Variants in ZDHHC21 observed in about 807,000 individuals in gnomAD.
ZDHHC21 encodes zDHHC palmitoyltransferase 21, also known as palmitoyltransferase ZDHHC21.
ZDHHC21 carries 15 observed loss-of-function variants against 34.6 expected under a neutral mutation model. The observed-to-expected ratio is 0.43, with a 90% CI of 0.29 to 0.67. ZDHHC21 has a LOEUF of 0.67. ZDHHC21 is among the 30% of genes least tolerant of loss of function. The pLI, the probability that ZDHHC21 is intolerant of heterozygous loss-of-function variation, is 0.14. For missense variants in ZDHHC21, 344 were observed against 327.7 expected, an observed-to-expected ratio of 1.05 and a Z score of -0.38; for synonymous variants, 142 against 101.8, an observed-to-expected ratio of 1.40 and a Z score of -2.38.
intron 5 of ZDHHC21, among the ~76,000 whole-genome samples, chr9:14,663,536 T>C (rs1419909561): frequency 6.6e-6 from 1 of 151,784 alleles, no homozygotes; most frequent in Non-Finnish European, 1.5e-5. Flanking sequence ...TATTTCTTTT[T>C]TTTCTCTTTT....
In ZDHHC21 at chr9:14,654,766, G is replaced by C. The variant is rs552009665; in HGVS notation, c.504+3983C>G. 2.6e-5 allele frequency among the ~76,000 whole-genome samples: 4 copies of C among 152,158 alleles called. No homozygotes were observed. In the East Asian group the frequency reaches 7.7e-4, roughly 29 times the overall value. On this transcript the variant is annotated intron_variant, in intron 7 of 9. Transcript: ENST00000380916. ...GGGTAGGTTAGACATGGCAGAAGAG[G>C]TGATTAGTAAACCAGAGGATAAATT... is the stretch of plus-strand genomic sequence containing the variant.
chr9:14,650,678 CA>C (rs1050781490), intron 7 of ZDHHC21, among the ~76,000 whole-genome samples: 1 of 151,812 alleles, frequency 6.6e-6, no homozygotes, highest in Non-Finnish European at 1.5e-5. Flanking sequence ...TTTTGTTAGC[CA>C]AAAGGCTAGG....
In ZDHHC21 at chr9:14,618,226, A is replaced by G. The variant is rs780473186; in HGVS notation, c.*740T>C. On this transcript the variant is annotated 3_prime_UTR_variant, in exon 10 of 10. Transcript: ENST00000380916. ...GTCAGGAGTTCTCCTGGGAGCAAAT[A>G]TTTTAATCACAATCAATAATTACAA... 5 of 152,544 alleles carry G rather than the reference A, an allele frequency of 3.3e-5. No individual in the cohort carries two copies. The highest frequency in any genetic ancestry group is 7.4e-5 in the Non-Finnish European group (5 of 67,980). 9.4% of individuals were successfully genotyped at this position (152,544 alleles called of 1,614,324 possible).
intron 2 of ZDHHC21, among the ~76,000 whole-genome samples, chr9:14,684,512 G>T (rs10961665): frequency 0.93 from 137,116 of 146,728 alleles, 64,154 homozygotes; most frequent in Non-Finnish European, 0.96. Flanking sequence ...GAAGGACCTC[G>T]TCAAGGAGAA....
intron 7 of ZDHHC21, among the ~76,000 whole-genome samples, chr9:14,643,076 A>G (rs994139947): frequency 1.3e-5 from 2 of 152,014 alleles, no homozygotes; most frequent in African/African-American, 4.8e-5. Context: ...CGTCTCTACT[A>G]AAAAATAAAA....
At chr9:14,598,959 C>T in the ZDHHC21 span, among the ~76,000 whole-genome samples, 18 of 152,206 alleles carry the variant, frequency 1.2e-4, no homozygotes, top group African/African-American at 4.3e-4. Flanking sequence ...GACAGGGTTT[C>T]ACCATGTCAC....
At position 14,680,170 on chromosome 9, in the gene ZDHHC21, T is replaced by C. The variant is rs1485062096; in HGVS notation, c.-175-8A>G. 6.6e-6 allele frequency: 1 copy of C among 152,512 alleles called. No individual in the cohort carries two copies. The highest frequency in any genetic ancestry group is 1.5e-5 in the Non-Finnish European group (1 of 68,004). 9.4% of individuals were successfully genotyped at this position (152,512 alleles called of 1,614,324 possible). On this transcript the variant is annotated splice_polypyrimidine_tract_variant and splice_region_variant and intron_variant, in intron 2 of 9. Transcript: ENST00000380916. ...ACAGTTCTCCATGAGAACCTATTCA[T>C]GGTTTAACAAACAATGATTTCTCAC...
At chr9:14,644,382 G>C (rs886656027) in intron 7 of ZDHHC21, among the ~76,000 whole-genome samples, 1 of 152,050 alleles carries the variant, frequency 6.6e-6, no homozygotes, top group Non-Finnish European at 1.5e-5. Flanking sequence ...GCACTGGCTA[G>C]AATTTCTAGT....
At chr9:14,650,657 CTATT>C (rs1450673891) in intron 7 of ZDHHC21, among the ~76,000 whole-genome samples, 1 of 151,904 alleles carries the variant, frequency 6.6e-6, no homozygotes, top group Non-Finnish European at 1.5e-5. Flanking sequence ...AGTCTTCTGG[CTATT>C]TCTTTTTTTT....
At chr9:14,603,005 A>C in the ZDHHC21 span, among the ~76,000 whole-genome samples, 1 of 151,232 alleles carries the variant, frequency 6.6e-6, no homozygotes, top group Admixed American at 6.6e-5. Context: ...TCTAACTTAC[A>C]GTCACAGAAA....
rs1823672428 is a variant in ZDHHC21, at chr9:14,613,479, T to A, written c.*5487A>T. On this transcript the variant is annotated 3_prime_UTR_variant, in exon 10 of 10. Transcript: ENST00000380916. ...ATACGCAGGTAAGCTTTCCCTTTAG[T>A]TAACAGCCTGCAAACAATTAAACCC... 3 of 151,762 alleles carry A rather than the reference T, an allele frequency of 2.0e-5. No individual in the cohort carries two copies. Among genetic ancestry groups the A allele is most frequent in the Admixed American group, 2.0e-4 (3 of 15,192 alleles). 9.4% of individuals were successfully genotyped at this position (151,762 alleles called of 1,614,324 possible). A position where few individuals can be genotyped will look rare whatever the true frequency, so the allele number is the denominator to read the frequency against.
intron 8 of ZDHHC21, among the ~76,000 whole-genome samples, chr9:14,632,658 TAAGAGAATGTGAGA>T (rs1318854598): frequency 0.01 from 101 of 9,858 alleles, 43 homozygotes; most frequent in African/African-American, 0.036. Flanking sequence ...AAAATATAAC[TAAGAGAATGTGAGA>T]ATATTTGCAA....
chr9:14,645,395 T>C (rs900146878), intron 7 of ZDHHC21, among the ~76,000 whole-genome samples: 1 of 152,114 alleles, frequency 6.6e-6, no homozygotes, highest in East Asian at 1.9e-4. Context: ...ATCAATTGAC[T>C]ATTCATCTAT....
At chr9:14,660,030 T>C (rs904129478) in intron 6 of ZDHHC21, among the ~76,000 whole-genome samples, 1 of 152,134 alleles carries the variant, frequency 6.6e-6, no homozygotes, top group African/African-American at 2.4e-5. Flanking sequence ...ACTAAGGTAT[T>C]CAATCTATAT....
At chr9:14,640,482 C>T (rs1387128632) in intron 7 of ZDHHC21, among the ~76,000 whole-genome samples, 3 of 152,038 alleles carry the variant, frequency 2.0e-5, no homozygotes, top group African/African-American at 7.2e-5. Flanking sequence ...ATCTAGAAAT[C>T]ATTAACGTGG....
At chr9:14,592,684 G>T in the ZDHHC21 span, among the ~76,000 whole-genome samples, 1 of 152,098 alleles carries the variant, frequency 6.6e-6, no homozygotes, top group African/African-American at 2.4e-5. Flanking sequence ...GACATTTATA[G>T]AATACTGTAA....
chr9:14,622,113 A>G (rs1825415992), intron 8 of ZDHHC21, among the ~76,000 whole-genome samples: 1 of 152,144 alleles, frequency 6.6e-6, no homozygotes, highest in African/African-American at 2.4e-5. Context: ...GAACACTTTT[A>G]TTTATAAATA....
At position 14,619,697 on chromosome 9, in the gene ZDHHC21, A is replaced by G; in HGVS notation, c.622-15T>C. 7.6e-7 allele frequency: 1 copy of G among 1,309,450 alleles called. No homozygotes were observed. Among genetic ancestry groups the G allele is most frequent in the Non-Finnish European group, 1.1e-6 (1 of 949,570 alleles). 81.1% of individuals were successfully genotyped at this position (1,309,450 alleles called of 1,614,324 possible). On this transcript the variant is annotated splice_polypyrimidine_tract_variant and intron_variant, in intron 8 of 9. Transcript: ENST00000380916. ...GATGTTGTATCCTATTAAAAATAAA[A>G]AATTATATTCAGATGTAAGAAAGTT...
At chr9:14,657,202 C>G (rs769030117) in intron 7 of ZDHHC21, among the ~76,000 whole-genome samples, 4 of 152,026 alleles carry the variant, frequency 2.6e-5, no homozygotes, top group Non-Finnish European at 5.9e-5. Flanking sequence ...TAAATGGTTA[C>G]TGTAAAACGG....
Sources: allele counts gnomAD v4.1 joint callset (sites outside exome capture counted in the v4.1 genomes callset), GRCh38; gene constraint gnomAD v4.1.1; transcripts MANE v1.5; gene names NCBI Gene and HGNC (gene_info 2026-07-23, HGNC 2026-07-21).